Variants in TTLL5 observed in about 807,000 individuals in gnomAD.
TTLL5 encodes tubulin polyglutamylase TTLL5.
TTLL5 carries 132 observed loss-of-function variants against 168.4 expected under a neutral mutation model. The observed-to-expected ratio is 0.78, with a 90% confidence interval of 0.68 to 0.91. The LOEUF is 0.91. Ranked by LOEUF, TTLL5 falls within the 40% of genes least tolerant of loss-of-function variation. The probability of loss-of-function intolerance (pLI) is 0.00; values close to 1 mark genes in which losing one functional copy is unlikely to be tolerated. For synonymous variants in TTLL5, 546 were observed against 558.6 expected, an observed-to-expected ratio of 0.98 and a Z score of 0.32; for missense variants, 1,545 against 1,581.5, an observed-to-expected ratio of 0.98 and a Z score of 0.39.
intron 28 of TTLL5, among the ~76,000 whole-genome samples, chr14:75,845,360 G>A (rs924019427): frequency 1.2e-4 from 19 of 152,180 alleles, no homozygotes; most frequent in African/African-American, 4.6e-4. Flanking sequence ...ACTCCCCGTG[G>A]CTGTAGAATG....
At position 75,827,707 on chromosome 14, in the gene TTLL5, C is replaced by CTTTTTTTTTTTTTTTT. The variant is rs561078439; in HGVS notation, c.3326+7562_3326+7577dup. On this transcript the variant is annotated intron_variant, in intron 28 of 31. Transcript: ENST00000298832. ...AATCAATACCACATTTGGCTTGGTTCTTTTTTTTTTTTTTTTTTTTTTTTT... is the reference window on the plus strand; with the variant it reads ...AATCAATACCACATTTGGCTTGGTTCTTTTTTTTTTTTTTTTTTTTTTTTTTTTTTTTTTTTTTTTT... 1.9e-4 allele frequency among the ~76,000 whole-genome samples: 10 copies of CTTTTTTTTTTTTTTTT among 53,204 alleles called. 3 individuals carry two copies. The highest frequency in any genetic ancestry group is 4.0e-4 in the African/African-American group (5 of 12,458). The allele number at this position is 53,204 out of a possible 152,430, so 34.9% of individuals were successfully genotyped here. A position where few individuals can be genotyped will look rare whatever the true frequency, so the allele number is the denominator to read the frequency against.
At chr14:75,931,643 C>T (rs985549915) in intron 31 of TTLL5, among the ~76,000 whole-genome samples, 2 of 152,142 alleles carry the variant, frequency 1.3e-5, no homozygotes, top group South Asian at 4.1e-4. Flanking sequence ...TTCAGAAGCT[C>T]CCTTTAAAGT....
rs369547823 is a variant in TTLL5 at position 75,940,233 on chromosome 14, C to G, written c.3824-14191C>G. ...AGCTGGGACTACAGGCACCCGCTAC[C>G]AAGCCTGGCTAATTTTTTTGTATTT... On this transcript the variant is annotated intron_variant, in intron 31 of 31. Transcript: ENST00000298832. 9.2e-5 allele frequency among the ~76,000 whole-genome samples: 14 copies of G among 152,056 alleles called. 1 individual carries two copies. In the East Asian group the frequency reaches 1.4e-3, roughly 15 times the overall value.
chr14:75,697,472 A>T (rs1194100083), intron 6 of TTLL5, among the ~76,000 whole-genome samples: 3 of 152,216 alleles, frequency 2.0e-5, no homozygotes. Flanking sequence ...GAAAAGGCAG[A>T]GGAAGATGGG....
At chr14:75,881,547 AAAT>A (rs1213739652) in intron 29 of TTLL5, among the ~76,000 whole-genome samples, 1 of 152,206 alleles carries the variant, frequency 6.6e-6, no homozygotes, top group African/African-American at 2.4e-5. Flanking sequence ...AAATCTGAAA[AAAT>A]AAAATTCATA....
intron 9 of TTLL5, chr14:75,710,920 C>T (rs944638506): frequency 1.3e-5 from 2 of 152,310 alleles, no homozygotes; most frequent in East Asian, 3.9e-4. Context: ...GAGGCAAATA[C>T]AATTCATTTC....
chr14:75,925,146 C>T (rs1595279164), intron 31 of TTLL5, among the ~76,000 whole-genome samples: 1 of 148,324 alleles, frequency 6.7e-6, no homozygotes, highest in African/African-American at 2.5e-5. Context: ...GGCTGACCCC[C>T]CCACCTCCCT....
chr14:75,825,524 A>G (rs1895070805), intron 28 of TTLL5, among the ~76,000 whole-genome samples: 1 of 151,404 alleles, frequency 6.6e-6, no homozygotes, highest in African/African-American at 2.5e-5. Flanking sequence ...GTAAACACTC[A>G]TATTTTCCAT....
chr14:75,902,081 G>C, intron 30 of TTLL5, 61 bp from the exon 31 acceptor site: 1 of 1,459,892 alleles, frequency 6.8e-7, no homozygotes, highest in Non-Finnish European at 9.6e-7. Context: ...AGCCATCAGA[G>C]GTCCTGCACC....
chr14:75,807,572 GGT>G (rs1241452633), intron 27 of TTLL5, among the ~76,000 whole-genome samples: 1 of 152,204 alleles, frequency 6.6e-6, no homozygotes, highest in Non-Finnish European at 1.5e-5. Flanking sequence ...ACCCTAATGA[GGT>G]GTAGGTACTT....
At chr14:75,871,274 G>C (rs926089354) in intron 29 of TTLL5, among the ~76,000 whole-genome samples, 1 of 152,112 alleles carries the variant, frequency 6.6e-6, no homozygotes, top group Non-Finnish European at 1.5e-5. Context: ...AAATGAACAC[G>C]CAGTAAATGC....
intron 18 of TTLL5, chr14:75,757,706 C>A: frequency 1.5e-6 from 1 of 671,642 alleles, no homozygotes. Flanking sequence ...GCAAAGATGC[C>A]CTCCTTGGCC....
At position 75,954,435 on chromosome 14, in the gene TTLL5, AC is replaced by A. The variant is rs777240377; in HGVS notation, c.3836del (p.Thr1279IlefsTer20). The stretch of plus-strand genomic sequence containing the variant: ...TTTCTCTTTTTCAGATCCTGCTCAC[AC>A]TAAAATATGAACCACAAACACACAG... Reference protein sequence around the residue: ...PITSSTDPAHTKI With the variant: ...PITSSTDPAHXKI On this transcript the variant is annotated frameshift_variant, in exon 32 of 32. Coordinates refer to ENST00000298832, the MANE Select transcript of TTLL5 (RefSeq NM_015072.5). LOFTEE classifies it high-confidence loss of function. 1.2e-6 allele frequency: 2 copies of A among 1,613,958 alleles called. No homozygotes were observed. Among genetic ancestry groups the A allele is most frequent in the East Asian group, 4.5e-5 (2 of 44,866 alleles).
intron 31 of TTLL5, among the ~76,000 whole-genome samples, chr14:75,911,905 G>A (rs2033401705): frequency 6.6e-6 from 1 of 152,200 alleles, no homozygotes; most frequent in Non-Finnish European, 1.5e-5. Flanking sequence ...AGAGCCTTCT[G>A]ATGATCGAGA....
chr14:75,801,003 G>A (rs2140367081), intron 27 of TTLL5, among the ~76,000 whole-genome samples: 1 of 152,224 alleles, frequency 6.6e-6, no homozygotes, highest in Middle Eastern at 3.4e-3. Flanking sequence ...TTTCAAGAGA[G>A]CATCAGCTGA....
In TTLL5 at chr14:75,882,848, C is replaced by A; in HGVS notation, c.3686C>A (p.Pro1229His). ...PSSCASLVPK[P>H]PPNHEQVLRR... is the part of the protein sequence containing the mutation. The stretch of plus-strand genomic sequence containing the variant: ...TCTTGCGCCTCCCTGGTTCCCAAAC[C>A]CCCACCCAACCACGAACAAGTGCTC... Residue 1229 changes from proline to histidine, a missense_variant, in exon 30 of 32, where the codon CCC becomes CAC. Coordinates refer to ENST00000298832, the MANE Select transcript of TTLL5 (RefSeq NM_015072.5). 1.9e-6 allele frequency: 3 copies of A among 1,614,148 alleles called. No individual in the cohort carries two copies. Among genetic ancestry groups the A allele is most frequent in the Non-Finnish European group, 2.5e-6 (3 of 1,180,022 alleles).
intron 27 of TTLL5, among the ~76,000 whole-genome samples, chr14:75,806,188 G>T (rs997488765): frequency 2.0e-5 from 3 of 152,018 alleles, no homozygotes; most frequent in African/African-American, 7.2e-5. Flanking sequence ...CTGCCGCCAT[G>T]CCGGGCTAAT....
chr14:75,697,072 T>C (rs749575472), intron 6 of TTLL5, among the ~76,000 whole-genome samples: 1 of 152,190 alleles, frequency 6.6e-6, no homozygotes, highest in Non-Finnish European at 1.5e-5. Context: ...TTTTGTGGCA[T>C]GTAGAAATCA....
chr14:75,839,134 T>A (rs916862586), intron 28 of TTLL5: 3 of 152,820 alleles, frequency 2.0e-5, no homozygotes, highest in Non-Finnish European at 4.4e-5. Context: ...GGTGACACAC[T>A]CCTTGTACTT....
Sources: allele counts gnomAD v4.1 joint callset (sites outside exome capture counted in the v4.1 genomes callset), GRCh38; gene constraint gnomAD v4.1.1; transcripts MANE v1.5; gene names NCBI Gene and HGNC (gene_info 2026-07-23, HGNC 2026-07-21).